VPS9D1: variants seen among roughly 807,000 people sequenced by gnomAD.
VPS9D1 encodes VPS9 domain-containing protein 1.
A neutral mutation model predicts 75.8 loss-of-function variants in VPS9D1; 78 were observed. That is an observed-to-expected ratio of 1.03 (90% CI 0.86 to 1.24). VPS9D1 has a LOEUF of 1.24. VPS9D1 is among the 50% of genes most tolerant of loss of function. VPS9D1 has a pLI of 0.00. For synonymous variants in VPS9D1, 481 were observed against 385.6 expected (o/e 1.25, Z -2.90); for missense variants, 1,057 against 847.7 (o/e 1.25, Z -3.07).
At chr16:89,709,580 G>T in intron 11 of VPS9D1, 145 bp from the exon 12 acceptor site, 1 of 1,266,592 alleles carries the variant, frequency 7.9e-7, no homozygotes, top group African/African-American at 1.5e-5. Flanking sequence ...CCCCAGGCAC[G>T]GGAGAGTGGC....
chr16:89,707,527 A>G lies in VPS9D1; in HGVS notation c.*334T>C, dbSNP rs1375255256. ...ATGCTCCCCAGGAGCTGCCCCAGCCAGATGTTCATCGCTGAGCCTGCACCC... is the reference window on the plus strand; with the variant it reads ...ATGCTCCCCAGGAGCTGCCCCAGCCGGATGTTCATCGCTGAGCCTGCACCC... On this transcript the variant is annotated 3_prime_UTR_variant, in exon 15 of 15. Coordinates refer to ENST00000389386, the MANE Select transcript of VPS9D1 (RefSeq NM_004913.3). 16 of 226,094 alleles carry G rather than the reference A, an allele frequency of 7.1e-5. No individual in the cohort carries two copies. 14.0% of individuals were successfully genotyped at this position (226,094 alleles called of 1,614,324 possible). A position where few individuals can be genotyped will look rare whatever the true frequency, so the allele number is the denominator to read the frequency against.
Position 89,720,778 on chromosome 16 carries a change from G to T in VPS9D1, c.84C>A (p.Thr28=), listed in dbSNP as rs1423269144. 5.5e-6 allele frequency: 8 copies of T among 1,455,292 alleles called. No individual in the cohort carries two copies. Among genetic ancestry groups the T allele is most frequent in the Non-Finnish European group, 6.4e-6 (7 of 1,100,260 alleles). 90.1% of individuals were successfully genotyped at this position (1,455,292 alleles called of 1,614,324 possible). The change falls in exon 1 of 15, where the codon ACC becomes ACA. Residue 28 remains threonine (T), a synonymous_variant. Coordinates refer to ENST00000389386, the MANE Select transcript of VPS9D1 (RefSeq NM_004913.3). The part of the protein sequence containing the change: ...KLANGAIELD[T]GNRPREAYTE... ...CCCGCCTCACCCGGGGCCGGTTGCC[G>T]GTGTCCAGCTCGATGGCCCCGTTGG...
chr16:89,717,991 T>C (rs2061126114), intron 2 of VPS9D1: 1 of 447,592 alleles, frequency 2.2e-6, no homozygotes, highest in African/African-American at 2.1e-5. Flanking sequence ...GTCCAGTGGC[T>C]CCCCCGACCT....
At chr16:89,714,827 T>G (rs981129188) in intron 4 of VPS9D1, among the ~76,000 whole-genome samples, 1 of 152,072 alleles carries the variant, frequency 6.6e-6, no homozygotes, top group African/African-American at 2.4e-5. Flanking sequence ...CTCCACCTCC[T>G]GGGTTCAAGC....
At position 89,710,434 on chromosome 16, in the gene VPS9D1, C is replaced by A. The variant is rs2060888509; in HGVS notation, c.1258+152G>T. The A allele has an allele frequency of 3.5e-6, 3 of 853,620 alleles. No individual in the cohort carries two copies. The South Asian group carries it at 6.5e-5, about 18-fold the overall frequency. 52.9% of individuals were successfully genotyped at this position (853,620 alleles called of 1,614,324 possible). A position where few individuals can be genotyped will look rare whatever the true frequency, so the allele number is the denominator to read the frequency against. On this transcript the variant is annotated intron_variant, in intron 10 of 14. Transcript: ENST00000389386. ...AACTCCGTTTCTACCACACTGTTTC[C>A]AAAATGAGAAGGGCTGAGGCGTGAG...
chr16:89,718,625 C>T (rs547836214), intron 2 of VPS9D1, among the ~76,000 whole-genome samples: 14 of 152,268 alleles, frequency 9.2e-5, no homozygotes, highest in South Asian at 2.1e-4. Context: ...AGACCCCCGC[C>T]GAAGCCTGGC....
chr16:89,719,934 G>C (rs1469855780), intron 1 of VPS9D1, among the ~76,000 whole-genome samples: 8 of 152,190 alleles, frequency 5.3e-5, no homozygotes, highest in Non-Finnish European at 8.8e-5. Flanking sequence ...GGCCAGGCTG[G>C]TCTCAAACTC....
intron 8 of VPS9D1, 106 bp downstream of exon 8, chr16:89,711,776 C>T: frequency 7.4e-7 from 1 of 1,349,152 alleles, no homozygotes; most frequent in Non-Finnish European, 1.0e-6. Flanking sequence ...CTCACTGCCC[C>T]CCACAGCCTC....
At chr16:89,717,619 C>T (rs762982642) in intron 2 of VPS9D1, 21 of 456,566 alleles carry the variant, frequency 4.6e-5, no homozygotes, top group South Asian at 2.2e-4. Flanking sequence ...CATCCCGCCC[C>T]GATTTAGCCC....
At chr16:89,709,136 G>T in intron 12 of VPS9D1, 91 bp downstream of exon 12, 1 of 1,543,162 alleles carries the variant, frequency 6.5e-7, no homozygotes. Context: ...ACCGGCACGT[G>T]ACAAGAGAAG....
chr16:89,718,198 A>C (rs917835153), intron 2 of VPS9D1: 1 of 398,368 alleles, frequency 2.5e-6, no homozygotes, highest in Non-Finnish European at 5.1e-6. Context: ...CTCCTGCCCC[A>C]TCTGCCTCCT....
At chr16:89,720,449 G>C (rs1438338190) in intron 1 of VPS9D1, 1 of 1,067,026 alleles carries the variant, frequency 9.4e-7, no homozygotes, top group Non-Finnish European at 1.1e-6. Context: ...GGACCTGCCC[G>C]TCACTCGGAT....
chr16:89,717,636 C>T (rs1394835594), intron 2 of VPS9D1: 3 of 456,456 alleles, frequency 6.6e-6, no homozygotes, highest in Admixed American at 2.3e-5. Context: ...GCCCCCGACT[C>T]CCCCCGGAAA....
At chr16:89,717,615 G>C (rs866728233) in intron 2 of VPS9D1, 1 of 453,794 alleles carries the variant, frequency 2.2e-6, no homozygotes, top group East Asian at 7.0e-5. Context: ...TTCTCATCCC[G>C]CCCCGATTTA....
intron 1 of VPS9D1, chr16:89,720,464 G>T (rs1165937811): frequency 1.8e-6 from 2 of 1,085,764 alleles, no homozygotes; most frequent in South Asian, 4.4e-5. Context: ...TCGGATTTTG[G>T]AAGGTGGCCT....
chr16:89,713,326 C>T (rs959413422), intron 4 of VPS9D1, among the ~76,000 whole-genome samples: 2 of 151,610 alleles, frequency 1.3e-5, no homozygotes, highest in African/African-American at 4.8e-5. Context: ...GCAATCTCGG[C>T]TCACTGCAAA....
intron 10 of VPS9D1, among the ~76,000 whole-genome samples, chr16:89,710,305 G>C (rs1490224136): frequency 1.3e-5 from 2 of 152,178 alleles, no homozygotes; most frequent in African/African-American, 4.8e-5. Context: ...AAAACTCTGG[G>C]CTGGGCGCGG....
At position 89,708,891 on chromosome 16, in the gene VPS9D1, G is replaced by C; in HGVS notation, c.1663C>G (p.Gln555Glu). 6.3e-7 allele frequency: 1 copy of C among 1,594,036 alleles called. No individual in the cohort carries two copies. Among genetic ancestry groups the C allele is most frequent in the Non-Finnish European group, 8.5e-7 (1 of 1,174,426 alleles). The change falls in exon 13 of 15, where the codon CAG becomes GAG. Residue 555 changes from glutamine (Q) to glutamate (E), a missense_variant. Gln to Glu is a conservative substitution (Grantham distance 29). Coordinates refer to ENST00000389386, the MANE Select transcript of VPS9D1 (RefSeq NM_004913.3). ...GCAGCGATGGGCGGGGGCCCGGCCT[G>C]GGGTGTGGCCTCTGGGGTGGGGCAG... The part of the protein sequence containing the change: ...DYCPTPEATP[Q>E]AGPPPIAAAA...
chr16:89,711,267 C>T, intron 9 of VPS9D1, 60 bp downstream of exon 9: 2 of 1,526,410 alleles, frequency 1.3e-6, no homozygotes, highest in South Asian at 1.2e-5. Flanking sequence ...CACCTGGCAC[C>T]AGGCAGAGGT....
Sources: gnomAD v4.1 joint callset for allele counts (sites outside exome capture counted in the v4.1 genomes callset) on GRCh38, gnomAD v4.1.1 for gene constraint, MANE v1.5 for transcripts, NCBI Gene and HGNC (gene_info 2026-07-23, HGNC 2026-07-21) for gene names.